Variants in PCDHGA11 observed in about 807,000 individuals in gnomAD.
The protein encoded by PCDHGA11 is protocadherin gamma subfamily A, 11, also known as protocadherin gamma-A11.
In PCDHGA11, 39 loss-of-function variants were observed where a neutral mutation model predicts 60.4. That is an observed-to-expected ratio of 0.65 (90% CI 0.50 to 0.84). PCDHGA11 has a LOEUF of 0.84. Ranked by LOEUF, PCDHGA11 falls within the 40% of genes least tolerant of loss-of-function variation. The probability of loss-of-function intolerance (pLI) is 0.00; values close to 1 mark genes in which losing one functional copy is unlikely to be tolerated. For synonymous variants in PCDHGA11, 533 were observed against 510.3 expected (o/e 1.04, Z -0.60); for missense variants, 1,165 against 1,197.7 (o/e 0.97, Z 0.40).
rs114847835 is a variant in PCDHGA11, at chr5:141,486,500, C to T, written c.2434-8307C>T. The T allele has an allele frequency of 6.2e-6, 10 of 1,614,008 alleles. No homozygotes were observed. The East Asian group carries it at 1.8e-4, about 29-fold the overall frequency. On this transcript the variant is annotated intron_variant, in intron 1 of 3. Coordinates refer to ENST00000398587, the MANE Select transcript of PCDHGA11 (RefSeq NM_018914.3). This position sits in a 1 kb window ranked among gnomAD's most constrained non-coding sequence, Gnocchi z 5.0. ...TCTCAGTACCCACAGAACTATTTTCCTCAATATTTCAGATGTGAATGATAA... is the reference window on the plus strand; with the variant it reads ...TCTCAGTACCCACAGAACTATTTTCTTCAATATTTCAGATGTGAATGATAA...
intron 1 of PCDHGA11, among the ~76,000 whole-genome samples, 197 bp from the exon 2 acceptor site, chr5:141,494,610 T>C (rs1428159953): frequency 6.6e-6 from 1 of 152,152 alleles, no homozygotes; most frequent in Non-Finnish European, 1.5e-5. Flanking sequence ...GATTTATCTC[T>C]TGGTTTCTGG....
In PCDHGA11 at chr5:141,490,211, ACCAGGGACAG is replaced by A. The variant is rs1259297201; in HGVS notation, c.2434-4593_2434-4584del. 1 of 1,614,212 alleles carries A rather than the reference ACCAGGGACAG, an allele frequency of 6.2e-7. No individual in the cohort carries two copies. ...TATGAAATTCATGCAAGAGCCCGTG[ACCAGGGACAG>A]CCTGCCATGGAGGGCCACTGTGTGA... is the stretch of plus-strand genomic sequence containing the variant. On this transcript the variant is annotated intron_variant, in intron 1 of 3. Transcript: ENST00000398587. The surrounding 1 kb of genome is among the most constrained non-coding windows in gnomAD (Gnocchi z 5.4).
chr5:141,444,475 A>C (rs572738630), intron 1 of PCDHGA11, among the ~76,000 whole-genome samples: 2 of 152,110 alleles, frequency 1.3e-5, no homozygotes, highest in East Asian at 3.9e-4. Context: ...CCGGTCGCGT[A>C]CTGGATTTAT....
intron 2 of PCDHGA11, 50 bp from the exon 3 acceptor site, chr5:141,505,343 G>A: frequency 1.9e-6 from 3 of 1,612,934 alleles, no homozygotes; most frequent in Non-Finnish European, 2.5e-6. Flanking sequence ...GGAGGGGCAT[G>A]AGCTGTGCCG....
In PCDHGA11 at chr5:141,431,538, AGCTGCTTGTAGTCAAC is replaced by A; in HGVS notation, c.2433+7882_2433+7897del. 2 of 1,614,114 alleles carry A rather than the reference AGCTGCTTGTAGTCAAC, an allele frequency of 1.2e-6. No homozygotes were observed. Among genetic ancestry groups the A allele is most frequent in the Non-Finnish European group, 1.7e-6 (2 of 1,180,024 alleles). ...CCGGAGAATCTGGCCTTGGGCACGC[AGCTGCTTGTAGTCAAC>A]GCTACCGACCCTGACGAAGGAGTCA... On this transcript the variant is annotated intron_variant, in intron 1 of 3. Coordinates refer to ENST00000398587, the MANE Select transcript of PCDHGA11 (RefSeq NM_018914.3). This position sits in a 1 kb window ranked among gnomAD's most constrained non-coding sequence, Gnocchi z 4.8.
intron 3 of PCDHGA11, among the ~76,000 whole-genome samples, chr5:141,506,282 C>G (rs1422321122): frequency 6.6e-6 from 1 of 152,040 alleles, no homozygotes; most frequent in East Asian, 1.9e-4. Flanking sequence ...AACCCTGTCT[C>G]TACTAAAAAT....
chr5:141,466,612 C>T (rs141916895), intron 1 of PCDHGA11, among the ~76,000 whole-genome samples: 1 of 152,262 alleles, frequency 6.6e-6, no homozygotes, highest in East Asian at 1.9e-4. Flanking sequence ...TTGTAAACTG[C>T]CGTTTTCTTT....
rs919100488 is a variant in PCDHGA11 at position 141,511,573 on chromosome 5, G to A, written c.*400G>A. On this transcript the variant is annotated 3_prime_UTR_variant, in exon 4 of 4. Transcript: ENST00000398587. ...ACAGTTCCTCTTTCCCGAGTAAGGT[G>A]GTTGGGGTGTTGAAGTACCAAGTAA... 1.1e-4 allele frequency: 33 copies of A among 288,248 alleles called. No individual in the cohort carries two copies. Among genetic ancestry groups the A allele is most frequent in the African/African-American group, 7.1e-4 (33 of 46,356 alleles). The allele number at this position is 288,248 out of a possible 1,614,324, so 17.9% of individuals were successfully genotyped here.
chr5:141,492,125 C>T (rs1284932830), intron 1 of PCDHGA11, among the ~76,000 whole-genome samples: 1 of 152,222 alleles, frequency 6.6e-6, no homozygotes, highest in Non-Finnish European at 1.5e-5. Context: ...TTCTCCCCAG[C>T]TCCCAGCATC....
intron 1 of PCDHGA11, chr5:141,430,922 G>A: frequency 1.2e-6 from 2 of 1,607,168 alleles, no homozygotes; most frequent in South Asian, 2.2e-5. Context: ...CCTGGGGCTG[G>A]AGCCCCGGGA....
chr5:141,477,312 T>G lies in PCDHGA11; in HGVS notation c.2434-17495T>G. On this transcript the variant is annotated intron_variant, in intron 1 of 3. Coordinates refer to ENST00000398587, the MANE Select transcript of PCDHGA11 (RefSeq NM_018914.3). This position sits in a 1 kb window ranked among gnomAD's most constrained non-coding sequence, Gnocchi z 4.9. ...GTTCCACCGGGTCTCCCTTTCAGCC[T>G]TACTTCTTCCCTCAAGAATTACTTC... The G allele has an allele frequency of 1.2e-6, 2 of 1,614,162 alleles. No individual in the cohort carries two copies. The highest frequency in any genetic ancestry group is 1.7e-6 in the Non-Finnish European group (2 of 1,180,032).
intron 1 of PCDHGA11, among the ~76,000 whole-genome samples, chr5:141,439,406 C>T (rs2098110611): frequency 6.6e-6 from 1 of 152,190 alleles, no homozygotes; most frequent in Non-Finnish European, 1.5e-5. Flanking sequence ...CATGTGCTAA[C>T]ATCACTGAGG....
Position 141,486,427 on chromosome 5 carries a change from A to G in PCDHGA11, c.2434-8380A>G. On this transcript the variant is annotated intron_variant, in intron 1 of 3. Transcript: ENST00000398587. This position sits in a 1 kb window ranked among gnomAD's most constrained non-coding sequence, Gnocchi z 5.0. ...CTGGACCCTTGGATCGAGAGGCCAA[A>G]TCTAGCTATGACATCATGGTCACTG... The G allele has an allele frequency of 6.2e-7, 1 of 1,614,160 alleles. No homozygotes were observed. Among genetic ancestry groups the G allele is most frequent in the Non-Finnish European group, 8.5e-7 (1 of 1,180,016 alleles).
In PCDHGA11 at chr5:141,432,845, G is replaced by A. The variant is rs1299464282; in HGVS notation, c.2433+9185G>A. The A allele has an allele frequency of 1.2e-6, 2 of 1,614,076 alleles. No individual in the cohort carries two copies. The highest frequency in any genetic ancestry group is 8.5e-7 in the Non-Finnish European group (1 of 1,180,024). ...AGACCTCACTCTGTACCTGGTGGTA[G>A]CGGTGGCCGCGGTCTCCTGCGTCTT... On this transcript the variant is annotated intron_variant, in intron 1 of 3. Coordinates refer to ENST00000398587, the MANE Select transcript of PCDHGA11 (RefSeq NM_018914.3). This position sits in a 1 kb window ranked among gnomAD's most constrained non-coding sequence, Gnocchi z 6.0.
chr5:141,461,732 A>G (rs945368729), intron 1 of PCDHGA11, among the ~76,000 whole-genome samples: 5 of 152,154 alleles, frequency 3.3e-5, no homozygotes, highest in Non-Finnish European at 5.9e-5. Context: ...GTGCAGTGGC[A>G]CAATCCCGGC....
chr5:141,480,730 G>A (rs1261461187), intron 1 of PCDHGA11, among the ~76,000 whole-genome samples: 1 of 152,168 alleles, frequency 6.6e-6, no homozygotes, highest in East Asian at 1.9e-4. Flanking sequence ...GTCTCTGGGG[G>A]TGGGACATAG....
chr5:141,430,632 C>T, intron 1 of PCDHGA11: 1 of 852,604 alleles, frequency 1.2e-6, no homozygotes, highest in Non-Finnish European at 1.7e-6. Flanking sequence ...AATGAACCAT[C>T]CCTGGGAGTA....
intron 1 of PCDHGA11, chr5:141,427,758 A>T: frequency 7.4e-7 from 1 of 1,345,378 alleles, no homozygotes; most frequent in Non-Finnish European, 1.1e-6. Context: ...CATCGTTACC[A>T]CTGACTTGGA....
Position 141,490,365 on chromosome 5 carries a change from A to G in PCDHGA11, c.2434-4442A>G. The G allele has an allele frequency of 6.2e-7, 1 of 1,614,170 alleles. No individual in the cohort carries two copies. The highest frequency in any genetic ancestry group is 8.5e-7 in the Non-Finnish European group (1 of 1,180,030). On this transcript the variant is annotated intron_variant, in intron 1 of 3. Coordinates refer to ENST00000398587, the MANE Select transcript of PCDHGA11 (RefSeq NM_018914.3). The surrounding 1 kb of genome is among the most constrained non-coding windows in gnomAD (Gnocchi z 5.4). ...CAGTAGTGGGGTTGTTTAATGTGCG[A>G]GACCGGGACTCAGGTAGAAATGGTG...
Sources: gnomAD v4.1 joint callset for allele counts (sites outside exome capture counted in the v4.1 genomes callset) on GRCh38, gnomAD v4.1.1 for gene constraint, Gnocchi (gnomAD v3.1) non-coding constraint, MANE v1.5 for transcripts, NCBI Gene and HGNC (gene_info 2026-07-23, HGNC 2026-07-21) for gene names.